Variants in MYOF observed in about 807,000 individuals in gnomAD.
The protein encoded by MYOF is myoferlin.
A neutral mutation model predicts 284.2 loss-of-function variants in MYOF; 244 were observed. That is an observed-to-expected ratio of 0.86 (90% CI 0.77 to 0.95). The LOEUF is 0.95. Ranked by LOEUF, MYOF falls within the 40% of genes least tolerant of loss-of-function variation. The pLI is 0.00. For synonymous variants in MYOF, 904 were observed against 919.7 expected (o/e 0.98, Z 0.31); for missense variants, 2,496 against 2,560.6 (o/e 0.97, Z 0.54).
At position 93,378,693 on chromosome 10, in the gene MYOF, GTATATATATA is replaced by G. The variant is rs66859494; in HGVS notation, c.2001+1160_2001+1169del. ...TATGTGTGTGTGTATGTGTGTGTGTGTATATATATATATATATATATATGTATATATTTAT... is the reference window on the plus strand; with the variant it reads ...TATGTGTGTGTGTATGTGTGTGTGTGTATATATATATATGTATATATTTAT... On this transcript the variant is annotated intron_variant, in intron 21 of 53. Transcript: ENST00000359263. 7.7e-4 allele frequency among the ~76,000 whole-genome samples: 68 copies of G among 87,894 alleles called. 6 individuals carry two copies. The highest frequency in any genetic ancestry group is 1.1e-3 in the South Asian group (2 of 1,774). The allele number at this position is 87,894 out of a possible 152,430, so 57.7% of individuals were successfully genotyped here. A position where few individuals can be genotyped will look rare whatever the true frequency, so the allele number is the denominator to read the frequency against.
At chr10:93,476,312 C>T (rs1159678505) in intron 1 of MYOF, among the ~76,000 whole-genome samples, 4 of 133,668 alleles carry the variant, frequency 3.0e-5, no homozygotes, top group South Asian at 2.4e-4. Context: ...AGTGCAGTGG[C>T]GCGATCTCAG....
chr10:93,453,444 G>A lies in MYOF; in HGVS notation c.145-1303C>T, dbSNP rs568755589. Among the ~76,000 whole-genome samples the A allele has an allele frequency of 7.2e-5, 11 of 152,176 alleles. No homozygotes were observed. In the South Asian group the frequency reaches 2.3e-3, roughly 32 times the overall value. On this transcript the variant is annotated intron_variant, in intron 2 of 53. Coordinates refer to ENST00000359263, the MANE Select transcript of MYOF (RefSeq NM_013451.4). ...CTCCCAAAGTGCTGGGATTATAGGC[G>A]TGAGCCACCGCACCTGGACAATTTT...
chr10:93,406,846 G>GA (rs141353253), intron 7 of MYOF, among the ~76,000 whole-genome samples: 7,152 of 148,222 alleles, frequency 0.048, 233 homozygotes, highest in Middle Eastern at 0.083. Flanking sequence ...AAAGAAGTAG[G>GA]AAAAAAAAAA....
intron 4 of MYOF, among the ~76,000 whole-genome samples, chr10:93,428,674 C>T (rs1848704849): frequency 6.6e-6 from 1 of 151,680 alleles, no homozygotes; most frequent in Admixed American, 6.6e-5. Context: ...ACTGGCACAT[C>T]GTGTGTCTTG....
chr10:93,454,113 C>A (rs569339840), intron 2 of MYOF, among the ~76,000 whole-genome samples: 62 of 151,992 alleles, frequency 4.1e-4, no homozygotes, highest in African/African-American at 1.4e-3. Flanking sequence ...ACCCAGGAGG[C>A]GGAAGTTGCA....
intron 25 of MYOF, among the ~76,000 whole-genome samples, chr10:93,369,132 T>TTTTTTTTC (rs1845465469): frequency 9.1e-6 from 1 of 109,656 alleles, no homozygotes; most frequent in East Asian, 2.2e-4. Context: ...TTTTTTTTTT[T>TTTTTTTTC]GCCCCTGGAC....
chr10:93,388,714 G>T (rs1215422319), intron 18 of MYOF, among the ~76,000 whole-genome samples: 1 of 152,200 alleles, frequency 6.6e-6, no homozygotes, highest in African/African-American at 2.4e-5. Flanking sequence ...GTTTCAGGGT[G>T]CATGCCACTG....
intron 10 of MYOF, 108 bp downstream of exon 10, chr10:93,402,752 A>G (rs1847360287): frequency 2.1e-6 from 2 of 964,208 alleles, no homozygotes; most frequent in Admixed American, 5.7e-5. Flanking sequence ...AAATTCCTTT[A>G]ACTTTAATTC....
At chr10:93,460,268 C>T (rs566974846) in intron 1 of MYOF, among the ~76,000 whole-genome samples, 3 of 152,302 alleles carry the variant, frequency 2.0e-5, no homozygotes, top group African/African-American at 7.2e-5. Flanking sequence ...ACGGAAGACA[C>T]GCTGCAAGCT....
intron 43 of MYOF, among the ~76,000 whole-genome samples, chr10:93,332,079 G>T (rs1843332999): frequency 6.6e-6 from 1 of 152,076 alleles, no homozygotes; most frequent in South Asian, 2.1e-4. Context: ...TAGAGCTCTG[G>T]GAGCCCTGTT....
chr10:93,380,534 T>C (rs1338716922), intron 20 of MYOF, among the ~76,000 whole-genome samples: 1 of 152,196 alleles, frequency 6.6e-6, no homozygotes, highest in African/African-American at 2.4e-5. Context: ...ACTCTGGCAA[T>C]ACTGTTGGGA....
intron 1 of MYOF, among the ~76,000 whole-genome samples, chr10:93,471,734 C>A (rs1430851385): frequency 6.6e-6 from 1 of 152,042 alleles, no homozygotes; most frequent in Non-Finnish European, 1.5e-5. Flanking sequence ...ACTAAAAATA[C>A]AAAAATTAGC....
At chr10:93,395,270 C>G (rs909671481) in intron 16 of MYOF, among the ~76,000 whole-genome samples, 1 of 152,184 alleles carries the variant, frequency 6.6e-6, no homozygotes, top group Admixed American at 6.5e-5. Context: ...TGGTAAAACT[C>G]TGTCTCTACT....
intron 51 of MYOF, 70 bp from the exon 52 acceptor site, chr10:93,310,713 A>T (rs1842345595): frequency 1.5e-6 from 2 of 1,378,768 alleles, no homozygotes; most frequent in Non-Finnish European, 2.0e-6. Context: ...CAACCCAAGG[A>T]GTATTCCCCG....
At chr10:93,435,927 A>AAC (rs1849098534) in intron 3 of MYOF, among the ~76,000 whole-genome samples, 1 of 125,846 alleles carries the variant, frequency 7.9e-6, no homozygotes, top group Non-Finnish European at 1.9e-5. Flanking sequence ...ATAATAATAA[A>AAC]TTATTTTCTC....
chr10:93,340,098 T>A (rs1843827064), intron 39 of MYOF, 55 bp downstream of exon 39: 5 of 1,596,258 alleles, frequency 3.1e-6, no homozygotes, highest in Non-Finnish European at 4.3e-6. Context: ...AAAAGAAAAA[T>A]TCTGGGCAGA....
chr10:93,345,031 T>G (rs1844121298), intron 37 of MYOF, among the ~76,000 whole-genome samples: 1 of 152,030 alleles, frequency 6.6e-6, no homozygotes, highest in African/African-American at 2.4e-5. Flanking sequence ...GAGAGGTACA[T>G]CTCCCATTTA....
chr10:93,390,060 G>T lies in MYOF; in HGVS notation c.1457-906C>A, dbSNP rs528368514. Among the ~76,000 whole-genome samples the T allele has an allele frequency of 5.6e-4, 85 of 152,282 alleles. 1 individual carries two copies. The Middle Eastern group carries it at 0.01, about 18-fold the overall frequency. On this transcript the variant is annotated intron_variant, in intron 17 of 53. Transcript: ENST00000359263. ...AATTAGAAGAAATGTTGAGGCAAAG[G>T]CTTCAGCCTATCTTTCAGCATGTTC...
chr10:93,351,602 C>A (rs771595248), intron 33 of MYOF, 31 bp from the exon 34 acceptor site: 5 of 1,610,834 alleles, frequency 3.1e-6, no homozygotes, highest in Non-Finnish European at 4.2e-6. Context: ...TTAAATTCCC[C>A]GACAATCATC....
Sources: gnomAD v4.1 joint callset for allele counts (sites outside exome capture counted in the v4.1 genomes callset) on GRCh38, gnomAD v4.1.1 for gene constraint, MANE v1.5 for transcripts, NCBI Gene and HGNC (gene_info 2026-07-23, HGNC 2026-07-21) for gene names.